The following MYH7B variants were observed in gnomAD, a reference collection of about 807,000 sequenced individuals.
MYH7B encodes myosin heavy chain 7B.
Under a neutral mutation model 234.5 loss-of-function variants are expected in MYH7B, and 205 were observed. The observed-to-expected ratio is 0.87, with a 90% confidence interval of 0.78 to 0.98. The LOEUF (loss-of-function observed/expected upper bound fraction) is 0.98, where lower values mean the gene tolerates loss of function less well. MYH7B is among the 50% of genes least tolerant of loss of function. The pLI is 0.00. For missense variants in MYH7B, 2,652 were observed against 2,633.4 expected (o/e 1.01, Z -0.15); for synonymous variants, 1,193 against 1,105.0 (o/e 1.08, Z -1.58).
Position 34,996,827 on chromosome 20 carries a change from C to T in MYH7B, c.3266+69C>T. 15 of 1,555,882 alleles carry T rather than the reference C, an allele frequency of 9.6e-6. 1 individual carries two copies. In the South Asian group the frequency reaches 1.9e-4, roughly 19 times the overall value. Reference sequence around the variant, plus strand: ...CCTGGCCCTTGTTCCCTTCTGGATTCTTGTGGTTCCTGCGGCATTGCAGAG... The same window carrying T: ...CCTGGCCCTTGTTCCCTTCTGGATTTTTGTGGTTCCTGCGGCATTGCAGAG... On this transcript the variant is annotated intron_variant, in intron 30 of 44. Coordinates refer to ENST00000262873, the Ensembl canonical transcript of MYH7B.
rs571723991 is a variant in MYH7B at position 34,967,045 on chromosome 20, A to G, written c.-221-8355A>G. On this transcript the variant is annotated intron_variant, in intron 2 of 44. Coordinates refer to ENST00000262873, the Ensembl canonical transcript of MYH7B. ...GGAGTTCGAGACCAGCCTAGCCAAC[A>G]TAGTGAAACCCCGTCTCTACTAAAA... 3.3e-5 allele frequency among the ~76,000 whole-genome samples: 5 copies of G among 151,764 alleles called. No homozygotes were observed. The East Asian group carries it at 5.8e-4, about 18-fold the overall frequency.
chr20:34,970,410 C>T (rs922767259), intron 2 of MYH7B, among the ~76,000 whole-genome samples: 1 of 152,240 alleles, frequency 6.6e-6, no homozygotes, highest in Non-Finnish European at 1.5e-5. Flanking sequence ...GTCCTGTAGT[C>T]ACACCGCCTC....
At chr20:34,981,036 G>A (rs770508327) in exon 9 of MYH7B, 4 of 1,614,056 alleles carry the variant, frequency 2.5e-6, no homozygotes, top group Admixed American at 1.7e-5. Context: ...CCTCCAGACC[G>A]AGACAACCAG....
At chr20:34,975,040 TA>T (rs1348266164) in intron 2 of MYH7B, among the ~76,000 whole-genome samples, 22 of 151,988 alleles carry the variant, frequency 1.4e-4, no homozygotes, top group Admixed American at 1.4e-3. Flanking sequence ...ATTCTGAAAA[TA>T]GACAACACTA....
chr20:34,982,589 G>T, intron 10 of MYH7B, 34 bp downstream of exon 10: 1 of 1,471,222 alleles, frequency 6.8e-7, no homozygotes, highest in Non-Finnish European at 9.2e-7. Context: ...GCTCCCCGTT[G>T]CTTCTCGCTG....
intron 2 of MYH7B, among the ~76,000 whole-genome samples, chr20:34,968,093 A>G (rs1006447388): frequency 2.0e-5 from 3 of 152,222 alleles, no homozygotes; most frequent in African/African-American, 4.8e-5. Flanking sequence ...TCTCTCAACC[A>G]CATTACAAGG....
exon 5 of MYH7B, chr20:34,978,047 C>G (rs1049717826): frequency 6.2e-7 from 1 of 1,614,022 alleles, no homozygotes; most frequent in East Asian, 2.2e-5. Flanking sequence ...CCCGCTACCT[C>G]CGCCAGGGCT....
At chr20:34,979,936 A>C in intron 7 of MYH7B, 132 bp downstream of exon 7, 2 of 727,092 alleles carry the variant, frequency 2.8e-6, no homozygotes, top group Non-Finnish European at 3.7e-6. Context: ...TGAATGATAG[A>C]GCGGGTCCAT....
At chr20:34,975,968 G>A (rs2081848937) in intron 3 of MYH7B, among the ~76,000 whole-genome samples, 2 of 152,124 alleles carry the variant, frequency 1.3e-5, no homozygotes, top group South Asian at 2.1e-4. Context: ...CGCCCTCCTC[G>A]GCCTCCCAAA....
At position 35,002,223 on chromosome 20, in the gene MYH7B, T is replaced by G. The variant is rs1238179121; in HGVS notation, c.*35T>G. 4.0e-6 allele frequency: 6 copies of G among 1,505,956 alleles called. No individual in the cohort carries two copies. In the South Asian group the frequency reaches 5.2e-5, roughly 13 times the overall value. The allele number at this position is 1,505,956 out of a possible 1,614,324, so 93.3% of individuals were successfully genotyped here. ...CCCCTGGGCTCTAAAGAGGAATGTCTGCTGTTGCACATCTGGCTGAGGCCA... is the reference window on the plus strand; with the variant it reads ...CCCCTGGGCTCTAAAGAGGAATGTCGGCTGTTGCACATCTGGCTGAGGCCA... On this transcript the variant is annotated 3_prime_UTR_variant, in exon 45 of 45. Transcript: ENST00000262873.
exon 6 of MYH7B, chr20:34,979,434 G>C: frequency 6.2e-7 from 1 of 1,614,012 alleles, no homozygotes; most frequent in Non-Finnish European, 8.5e-7. Flanking sequence ...CGCCTACGTG[G>C]AGGCCGAGGT....
At chr20:34,983,914 T>G in intron 10 of MYH7B, among the ~76,000 whole-genome samples, 1 of 151,706 alleles carries the variant, frequency 6.6e-6, no homozygotes, top group Admixed American at 6.6e-5. Context: ...GCATCCGGAG[T>G]AGGGAAGAGA....
chr20:34,995,196 G>C, intron 27 of MYH7B, 140 bp from the exon 28 acceptor site: 1 of 794,204 alleles, frequency 1.3e-6, no homozygotes, highest in Non-Finnish European at 2.0e-6. Flanking sequence ...GCCCAAGAGC[G>C]AGTCAAGACA....
intron 3 of MYH7B, 117 bp downstream of exon 3, chr20:34,975,616 CGA>C (rs2081842394): frequency 1.6e-6 from 1 of 630,962 alleles, no homozygotes; most frequent in African/African-American, 1.8e-5. Flanking sequence ...AAATGTCTAC[CGA>C]GAGGGGACCC....
intron 3 of MYH7B, among the ~76,000 whole-genome samples, chr20:34,976,016 G>A (rs527328857): frequency 6.6e-6 from 1 of 152,282 alleles, no homozygotes; most frequent in African/African-American, 2.4e-5. Flanking sequence ...GCGCTTGGCC[G>A]GCACTGTAAT....
In MYH7B at chr20:34,990,009, T is replaced by A; in HGVS notation, c.1768-5T>A. On this transcript the variant is annotated splice_polypyrimidine_tract_variant and splice_region_variant and intron_variant, in intron 20 of 44. Coordinates refer to ENST00000262873, the Ensembl canonical transcript of MYH7B. ...CCGGGCTCAGCACCTGACTTGTCTC[T>A]CCAGGTGCCTTACAGCATTGTGGGC... 1 of 1,614,060 alleles carries A rather than the reference T, an allele frequency of 6.2e-7. No individual in the cohort carries two copies. The highest frequency in any genetic ancestry group is 1.1e-5 in the South Asian group (1 of 91,072).
intron 2 of MYH7B, among the ~76,000 whole-genome samples, chr20:34,966,511 C>T (rs1209460616): frequency 3.9e-5 from 6 of 152,018 alleles, no homozygotes; most frequent in Non-Finnish European, 8.8e-5. Flanking sequence ...ATAAGGGCAA[C>T]ACCTTTTTAT....
exon 32 of MYH7B, chr20:34,997,304 C>T (rs1323563683): frequency 1.9e-6 from 3 of 1,553,700 alleles, no homozygotes; most frequent in Non-Finnish European, 2.6e-6. Context: ...CAGCCCGGGC[C>T]CGCGTGGAGA....
chr20:34,965,238 C>T (rs1253800766), intron 2 of MYH7B, among the ~76,000 whole-genome samples: 9 of 152,200 alleles, frequency 5.9e-5, no homozygotes, highest in Non-Finnish European at 1.3e-4. Flanking sequence ...AGAGACAGAG[C>T]AACTCTGAGG....
Sources: allele counts gnomAD v4.1 joint callset (sites outside exome capture counted in the v4.1 genomes callset), GRCh38; gene constraint gnomAD v4.1.1; transcripts MANE v1.5; gene names NCBI Gene and HGNC (gene_info 2026-07-23, HGNC 2026-07-21).